The following FOXP1 variants were observed in gnomAD, a reference collection of about 807,000 sequenced individuals.
FOXP1 encodes forkhead box protein P1.
In FOXP1, 15 loss-of-function variants were observed where a neutral mutation model predicts 98.2. The observed-to-expected ratio is 0.15, with a 90% CI of 0.10 to 0.24. The LOEUF is 0.24. Ranked by LOEUF, FOXP1 falls within the 10% of genes least tolerant of loss-of-function variation. The probability of loss-of-function intolerance (pLI) is 1.00; values close to 1 mark genes in which losing one functional copy is unlikely to be tolerated. For missense variants in FOXP1, 633 were observed against 848.5 expected (o/e 0.75, Z 3.15); for synonymous variants, 371 against 314.5 (o/e 1.18, Z -1.90).
chr3:71,213,426 A>G (rs902604228), intron 5 of FOXP1, among the ~76,000 whole-genome samples: 1 of 152,254 alleles, frequency 6.6e-6, no homozygotes, highest in Non-Finnish European at 1.5e-5. Context: ...TGAACACTAT[A>G]AAGAACTGTA....
chr3:71,404,070 G>C (rs1156391521), intron 3 of FOXP1, among the ~76,000 whole-genome samples: 1 of 151,504 alleles, frequency 6.6e-6, no homozygotes, highest in African/African-American at 2.4e-5. Flanking sequence ...TTAGAGGAGG[G>C]GATGGGCAAT....
chr3:71,534,980 TG>T (rs771746093), intron 2 of FOXP1, among the ~76,000 whole-genome samples: 4 of 152,148 alleles, frequency 2.6e-5, no homozygotes, highest in Non-Finnish European at 4.4e-5. Flanking sequence ...AACTTGAAAT[TG>T]GGAGTGTGAT....
chr3:71,056,730 C>G (rs1264192876), intron 7 of FOXP1, among the ~76,000 whole-genome samples: 1 of 152,064 alleles, frequency 6.6e-6, no homozygotes, highest in African/African-American at 2.4e-5. Context: ...CCCAACGTTT[C>G]TGTTCTAACA....
intron 7 of FOXP1, among the ~76,000 whole-genome samples, chr3:71,074,330 G>A (rs1304264144): frequency 3.3e-5 from 5 of 152,204 alleles, no homozygotes; most frequent in Non-Finnish European, 1.5e-5. Context: ...GGGTTCAAGC[G>A]ATTCTTCTGC....
intron 6 of FOXP1, among the ~76,000 whole-genome samples, chr3:71,113,635 C>A (rs952209302): frequency 3.3e-5 from 5 of 151,212 alleles, no homozygotes; most frequent in Admixed American, 2.6e-4. Context: ...ATCGCTTGCA[C>A]CTGGGAGGCA....
intron 2 of FOXP1, among the ~76,000 whole-genome samples, chr3:71,512,174 G>T (rs2042248232): frequency 6.6e-6 from 1 of 152,122 alleles, no homozygotes; most frequent in Non-Finnish European, 1.5e-5. Context: ...GGGAACCAGG[G>T]GTTGAACCTA....
At chr3:71,152,212 T>C (rs986631690) in intron 6 of FOXP1, among the ~76,000 whole-genome samples, 1 of 151,952 alleles carries the variant, frequency 6.6e-6, no homozygotes, top group Non-Finnish European at 1.5e-5. Flanking sequence ...GTGGGTGGTC[T>C]CCATGAGCTT....
At chr3:71,428,274 A>C (rs765248020) in intron 3 of FOXP1, among the ~76,000 whole-genome samples, 2 of 152,220 alleles carry the variant, frequency 1.3e-5, no homozygotes, top group Non-Finnish European at 2.9e-5. Flanking sequence ...GCAATTCTGG[A>C]AACTGTGTCT....
rs1292693471 is a variant in FOXP1 at position 71,286,204 on chromosome 3, T to C, written c.-12+13616A>G. On this transcript the variant is annotated intron_variant, in intron 5 of 20. Transcript: ENST00000649528. ...CCACAGTCATATATGCAAACCATCGTTGACCAAAACATCCTTGTGTGGCAC... is the reference window on the plus strand; with the variant it reads ...CCACAGTCATATATGCAAACCATCGCTGACCAAAACATCCTTGTGTGGCAC... 2.0e-5 allele frequency among the ~76,000 whole-genome samples: 3 copies of C among 152,168 alleles called. No homozygotes were observed. The South Asian group carries it at 6.2e-4, about 31-fold the overall frequency.
At chr3:71,376,560 C>T (rs1000756956) in intron 3 of FOXP1, among the ~76,000 whole-genome samples, 2 of 152,142 alleles carry the variant, frequency 1.3e-5, no homozygotes, top group Admixed American at 6.5e-5. Flanking sequence ...AGTAGAAATA[C>T]CAAATTGGAA....
At chr3:71,578,114 T>C (rs1222409232) in intron 2 of FOXP1, among the ~76,000 whole-genome samples, 1 of 151,816 alleles carries the variant, frequency 6.6e-6, no homozygotes, top group African/African-American at 2.4e-5. Flanking sequence ...CCTGTGTAAA[T>C]CTAGCCATGC....
chr3:71,026,506 G>T (rs1253258138), intron 11 of FOXP1, among the ~76,000 whole-genome samples: 1 of 152,264 alleles, frequency 6.6e-6, no homozygotes, highest in Middle Eastern at 3.4e-3. Flanking sequence ...AGGGGTCAAA[G>T]ACCCACAAAG....
intron 7 of FOXP1, among the ~76,000 whole-genome samples, chr3:71,062,405 A>G (rs2051647417): frequency 6.6e-6 from 1 of 152,232 alleles, no homozygotes. Context: ...GGCTGCAGAC[A>G]AAAGTTCGCT....
At chr3:71,282,391 A>G (rs2071667455) in intron 5 of FOXP1, among the ~76,000 whole-genome samples, 2 of 151,820 alleles carry the variant, frequency 1.3e-5, no homozygotes, top group Non-Finnish European at 2.9e-5. Flanking sequence ...TACTTTCCAT[A>G]TCTTGAATTT....
chr3:71,353,754 T>C (rs1318992099), intron 4 of FOXP1, among the ~76,000 whole-genome samples: 2 of 152,150 alleles, frequency 1.3e-5, no homozygotes, highest in African/African-American at 4.8e-5. Context: ...TGATACAGAG[T>C]GAGACAGGTC....
intron 6 of FOXP1, among the ~76,000 whole-genome samples, chr3:71,186,188 C>T (rs913691574): frequency 1.3e-5 from 2 of 152,192 alleles, no homozygotes; most frequent in African/African-American, 4.8e-5. Flanking sequence ...TTTTCTTTGG[C>T]ATGGAGCCAG....
chr3:71,477,878 T>C (rs1316610767), intron 3 of FOXP1, among the ~76,000 whole-genome samples: 1 of 152,226 alleles, frequency 6.6e-6, no homozygotes, highest in African/African-American at 2.4e-5. Flanking sequence ...AAGTAAAATG[T>C]GAAACCTCAC....
At chr3:71,439,312 T>C (rs2085680848) in intron 3 of FOXP1, among the ~76,000 whole-genome samples, 1 of 151,796 alleles carries the variant, frequency 6.6e-6, no homozygotes, top group African/African-American at 2.4e-5. Context: ...GTGCATAGGG[T>C]GGGAATGGGA....
At chr3:71,260,044 C>T (rs1021846197) in intron 5 of FOXP1, among the ~76,000 whole-genome samples, 2 of 152,218 alleles carry the variant, frequency 1.3e-5, no homozygotes, top group South Asian at 2.1e-4. Flanking sequence ...AGTGCAGCGG[C>T]GCAATCTCGG....
Sources: allele counts gnomAD v4.1 joint callset (sites outside exome capture counted in the v4.1 genomes callset), GRCh38; gene constraint gnomAD v4.1.1; transcripts MANE v1.5; gene names NCBI Gene and HGNC (gene_info 2026-07-23, HGNC 2026-07-21).